The following ZBTB44 variants were observed in gnomAD, a reference collection of about 807,000 sequenced individuals.
ZBTB44 encodes the protein zinc finger and BTB domain-containing protein 44.
ZBTB44 carries 15 observed loss-of-function variants against 54.0 expected under a neutral mutation model. The ratio of observed to expected loss-of-function variants is 0.28; its 90% CI spans 0.19 to 0.43. The LOEUF is 0.43. Among genes scored for constraint, ZBTB44 ranks in the 20% least tolerant of loss-of-function variants. The probability of loss-of-function intolerance (pLI) is 1.00; values close to 1 mark genes in which losing one functional copy is unlikely to be tolerated. For synonymous variants in ZBTB44, 230 were observed against 250.1 expected (o/e 0.92, Z 0.76); for missense variants, 487 against 707.1 (o/e 0.69, Z 3.53).
At chr11:130,245,526 A>AT (rs1410158712) in intron 2 of ZBTB44, among the ~76,000 whole-genome samples, 13 of 152,328 alleles carry the variant, frequency 8.5e-5, no homozygotes, top group African/African-American at 3.1e-4. Context: ...CACAGACAGT[A>AT]TTAAAGCGTA....
chr11:130,262,348 A>T (rs969155406), intron 1 of ZBTB44, among the ~76,000 whole-genome samples: 1 of 152,134 alleles, frequency 6.6e-6, no homozygotes, highest in African/African-American at 2.4e-5. Flanking sequence ...CATGTTGGCC[A>T]GGCTGGTCTT....
chr11:130,281,516 AAAATAAATAAATAAATAAAT>A (rs58860118), intron 1 of ZBTB44, among the ~76,000 whole-genome samples: 71 of 138,842 alleles, frequency 5.1e-4, no homozygotes, highest in African/African-American at 8.3e-4. Flanking sequence ...ACCCTGTCTC[AAAATAAATAAATAAATAAAT>A]AAATAAATAA....
At chr11:130,283,035 CTTTTTTTTTT>C (rs531030883) in intron 1 of ZBTB44, among the ~76,000 whole-genome samples, 1 of 102,384 alleles carries the variant, frequency 9.8e-6, no homozygotes, top group Non-Finnish European at 1.9e-5. Context: ...CCATTCTAAC[CTTTTTTTTTT>C]TTTTTTTTTT....
intron 1 of ZBTB44, among the ~76,000 whole-genome samples, chr11:130,269,018 C>T (rs1476626520): frequency 1.3e-5 from 2 of 151,232 alleles, no homozygotes; most frequent in East Asian, 1.9e-4. Flanking sequence ...TCGCCAGGCA[C>T]GGTGGCTCAT....
intron 3 of ZBTB44, chr11:130,239,577 T>G: frequency 3.3e-6 from 1 of 304,110 alleles, no homozygotes; most frequent in Non-Finnish European, 6.2e-6. Context: ...TTGCCAACAC[T>G]TGGTACAGAT....
rs201175410 is a variant in ZBTB44, at chr11:130,313,928, G to GTA, written c.-57+446_-57+447insTA. Among the ~76,000 whole-genome samples, 238 of 121,018 alleles carry GTA rather than the reference G, an allele frequency of 2.0e-3. 1 individual carries two copies. The highest frequency in any genetic ancestry group is 6.7e-3 in the African/African-American group (214 of 31,738). The allele number at this position is 121,018 out of a possible 152,430, so 79.4% of individuals were successfully genotyped here. A position where few individuals can be genotyped will look rare whatever the true frequency, so the allele number is the denominator to read the frequency against. ...AAGAGGTGTGTGTGTGTGTGTATGT[G>GTA]TGTGTGTGTTTGTGTGTGTGTATAT... On this transcript the variant is annotated intron_variant, in intron 1 of 7. Coordinates refer to ENST00000357899, the MANE Select transcript of ZBTB44 (RefSeq NM_001301098.2).
At chr11:130,251,740 AG>A (rs901005707) in intron 2 of ZBTB44, among the ~76,000 whole-genome samples, 1 of 152,256 alleles carries the variant, frequency 6.6e-6, no homozygotes, top group African/African-American at 2.4e-5. Flanking sequence ...TGTAACCACC[AG>A]GGTTGCCTTA....
chr11:130,289,597 A>T (rs1282672159), intron 1 of ZBTB44, among the ~76,000 whole-genome samples: 1 of 143,976 alleles, frequency 6.9e-6, no homozygotes, highest in East Asian at 2.0e-4. Context: ...TGCAGACTTT[A>T]AAAAAAAAAA....
chr11:130,262,019 T>C (rs971440087), intron 1 of ZBTB44, 90 bp from the exon 2 acceptor site: 13 of 977,270 alleles, frequency 1.3e-5, no homozygotes, highest in East Asian at 2.6e-5. Flanking sequence ...TGTACTAAAT[T>C]AAAAAGCTGA....
chr11:130,253,439 A>C (rs888973772), intron 2 of ZBTB44, among the ~76,000 whole-genome samples: 3 of 152,208 alleles, frequency 2.0e-5, no homozygotes, highest in African/African-American at 7.2e-5. Flanking sequence ...AGAAACAGAG[A>C]GCCAAATCAT....
chr11:130,239,612 T>C, intron 3 of ZBTB44, 200 bp downstream of exon 3: 1 of 420,412 alleles, frequency 2.4e-6, no homozygotes, highest in Non-Finnish European at 4.4e-6. Flanking sequence ...TGGGACTAGG[T>C]AGTTTTGGAA....
rs1248344758 is a variant in ZBTB44 at position 130,234,166 on chromosome 11, A to G, written c.1676T>C (p.Val559Ala). 21 of 1,544,412 alleles carry G rather than the reference A, an allele frequency of 1.4e-5. No individual in the cohort carries two copies. Among genetic ancestry groups the G allele is most frequent in the Non-Finnish European group, 1.8e-5 (21 of 1,143,824 alleles). Residue 559 changes from valine to alanine, a missense_variant, in exon 6 of 8, where the codon GTC becomes GCC. Val to Ala is a moderately conservative substitution (Grantham distance 64). Coordinates refer to ENST00000357899, the MANE Select transcript of ZBTB44 (RefSeq NM_001301098.2). The part of the protein sequence containing the change: ...FESNSSVQMP[V>A]ISQYHSKGKE... ...CTGGGTTGAGGAGACCTGTGAAATGACAGGCATTTGAACAGAGGAGTTGCT... is the reference window on the plus strand; with the variant it reads ...CTGGGTTGAGGAGACCTGTGAAATGGCAGGCATTTGAACAGAGGAGTTGCT...
chr11:130,279,915 C>CA (rs902783911), intron 1 of ZBTB44, among the ~76,000 whole-genome samples: 6 of 152,142 alleles, frequency 3.9e-5, no homozygotes, highest in Non-Finnish European at 8.8e-5. Flanking sequence ...CTCCCCACCA[C>CA]AAAAAATCTC....
At chr11:130,276,236 A>AAAAAAAAAAAAG (rs1565670356) in intron 1 of ZBTB44, among the ~76,000 whole-genome samples, 2 of 140,282 alleles carry the variant, frequency 1.4e-5, no homozygotes, top group Non-Finnish European at 3.1e-5. Context: ...CTGTCTCAAA[A>AAAAAAAAAAAAG]AAAAAAAAAA....
At chr11:130,310,831 G>C (rs959013195) in intron 1 of ZBTB44, among the ~76,000 whole-genome samples, 1 of 151,940 alleles carries the variant, frequency 6.6e-6, no homozygotes, top group Non-Finnish European at 1.5e-5. Context: ...CAACCTCCCC[G>C]GTTCAAGCAA....
intron 3 of ZBTB44, chr11:130,239,589 C>A (rs778469450): frequency 2.4e-5 from 8 of 339,088 alleles, no homozygotes; most frequent in African/African-American, 1.7e-4. Flanking sequence ...GGTACAGATA[C>A]GATTTAAAGC....
At chr11:130,279,821 T>C (rs572931612) in intron 1 of ZBTB44, among the ~76,000 whole-genome samples, 1 of 152,296 alleles carries the variant, frequency 6.6e-6, no homozygotes, top group South Asian at 2.1e-4. Context: ...TTTTTGAGAG[T>C]GCCCTTAGCT....
At chr11:130,306,808 G>GT (rs1441460739) in intron 1 of ZBTB44, among the ~76,000 whole-genome samples, 2 of 151,960 alleles carry the variant, frequency 1.3e-5, no homozygotes, top group Admixed American at 6.6e-5. Flanking sequence ...ACCAAATATC[G>GT]TATGTTCTCA....
intron 1 of ZBTB44, among the ~76,000 whole-genome samples, chr11:130,313,948 G>GTATA (rs66987405): frequency 2.1e-5 from 3 of 145,538 alleles, no homozygotes; most frequent in East Asian, 2.0e-4. Flanking sequence ...TTGTGTGTGT[G>GTATA]TATATATATA....
Sources: gnomAD v4.1 joint callset for allele counts (sites outside exome capture counted in the v4.1 genomes callset) on GRCh38, gnomAD v4.1.1 for gene constraint, MANE v1.5 for transcripts, NCBI Gene and HGNC (gene_info 2026-07-23, HGNC 2026-07-21) for gene names.